TMEM132D: variants seen among roughly 807,000 people sequenced by gnomAD.
TMEM132D encodes the protein mature OL transmembrane protein.
A neutral mutation model predicts 62.3 loss-of-function variants in TMEM132D; 21 were observed. The observed-to-expected ratio is 0.34, with a 90% CI of 0.24 to 0.49. The LOEUF is 0.49. Among genes scored for constraint, TMEM132D ranks in the 20% least tolerant of loss-of-function variants. The pLI, the probability that TMEM132D is intolerant of heterozygous loss-of-function variation, is 0.99. For synonymous variants in TMEM132D, 621 were observed against 575.6 expected, an observed-to-expected ratio of 1.08 and a Z score of -1.13; for missense variants, 1,346 against 1,402.8, an observed-to-expected ratio of 0.96 and a Z score of 0.65.
At chr12:129,624,150 G>A (rs1879152154) in intron 2 of TMEM132D, among the ~76,000 whole-genome samples, 1 of 152,156 alleles carries the variant, frequency 6.6e-6, no homozygotes, top group African/African-American at 2.4e-5. Context: ...TCTCTGATCT[G>A]CATGTATTAT....
chr12:129,518,614 G>C (rs1875753224), intron 3 of TMEM132D, among the ~76,000 whole-genome samples: 1 of 150,926 alleles, frequency 6.6e-6, no homozygotes, highest in African/African-American at 2.4e-5. Flanking sequence ...TAACATTTTG[G>C]TTATTAACAA....
At chr12:129,678,552 A>T (rs895155906) in intron 2 of TMEM132D, among the ~76,000 whole-genome samples, 7 of 152,086 alleles carry the variant, frequency 4.6e-5, no homozygotes, top group Admixed American at 2.0e-4. Context: ...TACATACTGC[A>T]TTCTAATTGT....
At chr12:129,796,451 G>T (rs1186634171) in intron 1 of TMEM132D, among the ~76,000 whole-genome samples, 2 of 151,926 alleles carry the variant, frequency 1.3e-5, no homozygotes, top group African/African-American at 4.8e-5. Flanking sequence ...TAAACATTTA[G>T]GTTCAGGGGT....
chr12:129,266,376 C>G (rs1350292725), intron 4 of TMEM132D, among the ~76,000 whole-genome samples: 1 of 150,860 alleles, frequency 6.6e-6, no homozygotes, highest in African/African-American at 2.4e-5. Flanking sequence ...CTCCTCTTCC[C>G]TCCTCTCCCC....
intron 2 of TMEM132D, among the ~76,000 whole-genome samples, chr12:129,636,577 G>T (rs1019895889): frequency 1.3e-5 from 2 of 152,056 alleles, no homozygotes; most frequent in African/African-American, 4.8e-5. Context: ...CAGTCAGTTG[G>T]GGGGCTTAGA....
At chr12:129,442,881 C>T (rs1279373258) in intron 3 of TMEM132D, among the ~76,000 whole-genome samples, 1 of 152,084 alleles carries the variant, frequency 6.6e-6, no homozygotes, top group East Asian at 1.9e-4. Context: ...TGGTGTGCTG[C>T]CGAGGTCACT....
At chr12:129,508,231 T>A (rs61945374) in intron 3 of TMEM132D, among the ~76,000 whole-genome samples, 11,934 of 152,230 alleles carry the variant, frequency 0.078, 556 homozygotes, top group South Asian at 0.18. Flanking sequence ...CTCTACAAGT[T>A]ATACAATCCA....
chr12:129,579,173 C>G (rs529469955), intron 2 of TMEM132D, among the ~76,000 whole-genome samples: 2 of 152,160 alleles, frequency 1.3e-5, no homozygotes, highest in African/African-American at 4.8e-5. Context: ...CTGATCCTAT[C>G]CTATTAGATG....
At chr12:129,450,849 C>A (rs979260319) in intron 3 of TMEM132D, among the ~76,000 whole-genome samples, 1 of 148,460 alleles carries the variant, frequency 6.7e-6, no homozygotes, top group Non-Finnish European at 1.5e-5. Context: ...TTCTGCCTCT[C>A]GGGTTCAAGC....
chr12:129,822,232 T>C (rs1423075779), intron 1 of TMEM132D, among the ~76,000 whole-genome samples: 1 of 151,842 alleles, frequency 6.6e-6, no homozygotes, highest in African/African-American at 2.4e-5. Context: ...AAGGGCTGAG[T>C]GGCTAGAGGA....
At chr12:129,876,503 G>A (rs1420690291) in intron 1 of TMEM132D, among the ~76,000 whole-genome samples, 1 of 152,178 alleles carries the variant, frequency 6.6e-6, no homozygotes, top group Non-Finnish European at 1.5e-5. Flanking sequence ...CATTTGTCAG[G>A]ACCTTATCAG....
chr12:129,289,547 T>TAAA (rs59709658), intron 4 of TMEM132D, among the ~76,000 whole-genome samples: 11 of 91,868 alleles, frequency 1.2e-4, no homozygotes, highest in East Asian at 6.2e-4. Flanking sequence ...TCCATCTCAA[T>TAAA]AAAAAAAAAA....
chr12:129,526,408 C>G (rs1876040243), intron 3 of TMEM132D, among the ~76,000 whole-genome samples: 2 of 152,132 alleles, frequency 1.3e-5, no homozygotes, highest in Non-Finnish European at 2.9e-5. Context: ...CCTCAGCCTC[C>G]TGAGTAGCTG....
At chr12:129,160,424 C>A (rs1265569394) in intron 5 of TMEM132D, among the ~76,000 whole-genome samples, 2 of 152,216 alleles carry the variant, frequency 1.3e-5, no homozygotes, top group Non-Finnish European at 2.9e-5. Flanking sequence ...AGTCTCAAGA[C>A]TTTAGTTTGC....
At chr12:129,442,306 G>A (rs1026736352) in intron 3 of TMEM132D, among the ~76,000 whole-genome samples, 7 of 152,146 alleles carry the variant, frequency 4.6e-5, no homozygotes, top group African/African-American at 1.2e-4. Flanking sequence ...AGCACCGTGC[G>A]GGCAACACCT....
chr12:129,332,003 G>C (rs1057128064), intron 4 of TMEM132D, among the ~76,000 whole-genome samples: 40 of 152,144 alleles, frequency 2.6e-4, no homozygotes, highest in African/African-American at 9.7e-4. Flanking sequence ...TTGAGGCCAG[G>C]AGTTCGAGAC....
At chr12:129,128,288 AAAG>A (rs1876273375) in intron 5 of TMEM132D, among the ~76,000 whole-genome samples, 1 of 152,140 alleles carries the variant, frequency 6.6e-6, no homozygotes, top group East Asian at 1.9e-4. Flanking sequence ...ACATTGCTAT[AAAG>A]AACAACCTGA....
intron 4 of TMEM132D, among the ~76,000 whole-genome samples, chr12:129,334,019 G>A (rs1869197396): frequency 6.6e-6 from 1 of 152,120 alleles, no homozygotes; most frequent in Admixed American, 6.5e-5. Context: ...TACTTGAGAG[G>A]CTGAGGCAGG....
chr12:129,523,285 T>C (rs866737138), intron 3 of TMEM132D, among the ~76,000 whole-genome samples: 2 of 152,154 alleles, frequency 1.3e-5, no homozygotes, highest in Non-Finnish European at 2.9e-5. Context: ...TTCTCTTTCC[T>C]CGAAGCAACA....
Sources: allele counts gnomAD v4.1 joint callset (sites outside exome capture counted in the v4.1 genomes callset), GRCh38; gene constraint gnomAD v4.1.1; transcripts MANE v1.5; gene names NCBI Gene and HGNC (gene_info 2026-07-23, HGNC 2026-07-21).